The following MASP1 variants were observed in gnomAD, a reference collection of about 807,000 sequenced individuals.
The protein encoded by MASP1 is mannan-binding lectin serine protease 1.
A neutral mutation model predicts 77.1 loss-of-function variants in MASP1; 59 were observed. The observed-to-expected ratio is 0.77, with a 90% CI of 0.62 to 0.95. The LOEUF is 0.95. MASP1 is among the 40% of genes least tolerant of loss of function. MASP1 has a pLI of 0.00. For synonymous variants in MASP1, 362 were observed against 354.5 expected, an observed-to-expected ratio of 1.02 and a Z score of -0.24; for missense variants, 885 against 912.9, an observed-to-expected ratio of 0.97 and a Z score of 0.39.
chr3:187,265,144 T>C (rs1715912096), intron 2 of MASP1, among the ~76,000 whole-genome samples: 2 of 152,140 alleles, frequency 1.3e-5, no homozygotes, highest in South Asian at 4.1e-4. Flanking sequence ...CAGAAGATGG[T>C]AAGCAGGAGT....
At chr3:187,247,174 G>A in intron 8 of MASP1, 1 of 1,519,360 alleles carries the variant, frequency 6.6e-7, no homozygotes. Flanking sequence ...ACACGTAGCA[G>A]CTTCAACTGC....
At position 187,256,665 on chromosome 3, in the gene MASP1, T is replaced by G. The variant is rs766464572; in HGVS notation, c.743A>C (p.Lys248Thr). The G allele has an allele frequency of 1.7e-5, 28 of 1,613,934 alleles. No individual in the cohort carries two copies. The South Asian group carries it at 3.0e-4, about 17-fold the overall frequency. The change falls in exon 5 of 11, where the codon AAG (lysine) becomes ACG (threonine). Residue 248 changes from lysine to threonine, a missense_variant and splice_region_variant. Transcript: ENST00000296280. ...PEVPCPYDYIKIKVGPKVLGP... is the reference protein window; with the variant it reads ...PEVPCPYDYITIKVGPKVLGP... ...GACAAGTGTTCATTGCAGGCTCACC[T>G]TGATGTAGTCATAGGGGCAGGGCAC...
intron 10 of MASP1, 24 bp from the exon 11 acceptor site, chr3:187,236,591 G>A (rs1579483193): frequency 1.2e-6 from 2 of 1,613,508 alleles, no homozygotes; most frequent in Middle Eastern, 1.6e-4. Flanking sequence ...GAGGGAGCAG[G>A]GACAAGAGAC....
At chr3:187,289,137 A>C (rs1718095096) in intron 1 of MASP1, among the ~76,000 whole-genome samples, 1 of 151,920 alleles carries the variant, frequency 6.6e-6, no homozygotes, top group Non-Finnish European at 1.5e-5. Flanking sequence ...ACATTGCAGA[A>C]ATGTCAAAAG....
rs748318112 is a variant in MASP1 at position 187,236,561 on chromosome 3, C to T, written c.1310G>A (p.Gly437Asp). 6.2e-6 allele frequency: 10 copies of T among 1,613,848 alleles called. No individual in the cohort carries two copies. Among genetic ancestry groups the T allele is most frequent in the Non-Finnish European group, 8.5e-6 (10 of 1,179,934 alleles). ...RSLPTCLPEC[G>D]QPSRSLPSLV... ...GCTTGGCAGGGAGCGGGAGGGCTGA[C>T]CACACTCTGTAAGGAGAAAGAGGGA... Residue 437 changes from glycine (G) to aspartate (D), a missense_variant, in exon 11 of 11, where the codon GGT becomes GAT. By Grantham distance (94) the Gly-to-Asp change is moderately conservative. Coordinates refer to ENST00000296280, the MANE Select transcript of MASP1 (RefSeq NM_139125.4).
intron 1 of MASP1, among the ~76,000 whole-genome samples, chr3:187,288,785 G>C (rs954441676): frequency 2.6e-5 from 4 of 152,198 alleles, no homozygotes; most frequent in South Asian, 4.1e-4. Flanking sequence ...GGCCGGTTCT[G>C]TCAAGGACTG....
intron 3 of MASP1, among the ~76,000 whole-genome samples, chr3:187,261,552 A>C (rs1715580931): frequency 6.6e-6 from 1 of 152,244 alleles, no homozygotes; most frequent in Admixed American, 6.5e-5. Context: ...AGTGATTAAA[A>C]TTTTTAAAAA....
At chr3:187,272,363 A>G (rs1716596452) in intron 2 of MASP1, among the ~76,000 whole-genome samples, 1 of 152,156 alleles carries the variant, frequency 6.6e-6, no homozygotes, top group Non-Finnish European at 1.5e-5. Flanking sequence ...ATCTTCTCCA[A>G]TGATTAGATG....
intron 2 of MASP1, among the ~76,000 whole-genome samples, chr3:187,273,989 C>A (rs1716745511): frequency 6.6e-6 from 1 of 152,156 alleles, no homozygotes; most frequent in Non-Finnish European, 1.5e-5. Flanking sequence ...GTGGGTAAAT[C>A]ATGAAGTCAG....
exon 16 of MASP1, chr3:187,219,204 A>T (rs1170608702): frequency 6.6e-6 from 1 of 152,178 alleles, no homozygotes; most frequent in Admixed American, 6.5e-5. Flanking sequence ...CATTGGCTTT[A>T]CCTCATCTTA....
chr3:187,224,385 C>A (rs563045629), intron 13 of MASP1, among the ~76,000 whole-genome samples: 3 of 129,214 alleles, frequency 2.3e-5, no homozygotes, highest in African/African-American at 9.0e-5. Flanking sequence ...CTCGCTCTGT[C>A]GCCCAGGCTG....
chr3:187,247,527 T>C, intron 8 of MASP1: 1 of 919,248 alleles, frequency 1.1e-6, no homozygotes, highest in Non-Finnish European at 1.8e-6. Flanking sequence ...CCAGAATTGA[T>C]TAAGAATGCA....
chr3:187,234,070 A>T (rs949371694), downstream of MASP1: 2 of 1,240,408 alleles, frequency 1.6e-6, no homozygotes, highest in Admixed American at 5.4e-5. Flanking sequence ...AACAAAACCC[A>T]TAAGCCAAGG....
chr3:187,250,385 G>A, intron 7 of MASP1, 56 bp from the exon 8 acceptor site: 1 of 1,358,684 alleles, frequency 7.4e-7, no homozygotes, highest in Non-Finnish European at 1.1e-6. Flanking sequence ...TGGTGTCAGG[G>A]GTTTTTTCCT....
intron 10 of MASP1, among the ~76,000 whole-genome samples, chr3:187,237,220 C>T (rs988838174): frequency 6.6e-6 from 1 of 152,198 alleles, no homozygotes; most frequent in Admixed American, 6.5e-5. Context: ...TTCCAGAGAT[C>T]CTTTAATTTT....
chr3:187,260,790 G>A lies in MASP1; in HGVS notation c.498C>T (p.Cys166=). The A allele has an allele frequency of 1.9e-6, 3 of 1,614,034 alleles. No homozygotes were observed. The highest frequency in any genetic ancestry group is 2.5e-6 in the Non-Finnish European group (3 of 1,180,004). ...GGAGGATGTAGCCGAAGCGGCAGGA[G>A]CAGTAGTAGCCGCCAATGTAGTTGT... ...YCHNYIGGYY[C]SCRFGYILHT... Residue 166 remains cysteine, a synonymous_variant, in exon 4 of 11, where the codon TGC becomes TGT. Transcript: ENST00000296280.
exon 14 of MASP1, chr3:187,223,191 G>A (rs539317833): frequency 6.2e-7 from 1 of 1,614,014 alleles, no homozygotes; most frequent in East Asian, 2.2e-5. Context: ...GATGACCATG[G>A]CTCCTGGAGG....
At chr3:187,233,465 T>C (rs1305681554), downstream of MASP1, among the ~76,000 whole-genome samples, 1 of 152,220 alleles carries the variant, frequency 6.6e-6, no homozygotes, top group Non-Finnish European at 1.5e-5. Context: ...CCTCCAGCTG[T>C]ATGATATAGC....
chr3:187,228,400 C>T (rs1294031628), intron 11 of MASP1, among the ~76,000 whole-genome samples: 3 of 152,112 alleles, frequency 2.0e-5, no homozygotes, highest in African/African-American at 7.2e-5. Flanking sequence ...TCTGGTGAAG[C>T]AGAGTCTTCC....
Sources: gnomAD v4.1 joint callset for allele counts (sites outside exome capture counted in the v4.1 genomes callset) on GRCh38, gnomAD v4.1.1 for gene constraint, MANE v1.5 for transcripts, NCBI Gene and HGNC (gene_info 2026-07-23, HGNC 2026-07-21) for gene names.